Variants in DYRK4 observed in about 807,000 individuals in gnomAD.
DYRK4 encodes dual specificity tyrosine-phosphorylation-regulated kinase 4.
DYRK4 carries 64 observed loss-of-function variants against 68.3 expected under a neutral mutation model. That is an observed-to-expected ratio of 0.94 (90% CI 0.77 to 1.15). DYRK4 has a LOEUF of 1.15. Ranked by LOEUF, DYRK4 falls within the 50% of genes most tolerant of loss-of-function variation. The probability of loss-of-function intolerance (pLI) is 0.00; values close to 1 mark genes in which losing one functional copy is unlikely to be tolerated. For synonymous variants in DYRK4, 274 were observed against 289.9 expected (o/e 0.95, Z 0.56); for missense variants, 740 against 764.7 (o/e 0.97, Z 0.38).
chr12:4,605,121 A>G, intron 11 of DYRK4, 35 bp downstream of exon 11: 1 of 1,587,984 alleles, frequency 6.3e-7, no homozygotes, highest in Middle Eastern at 1.7e-4. Context: ...TCCCACGGAG[A>G]CCGTGGGCTT....
In DYRK4 at chr12:4,562,251, G is replaced by C. The variant is rs1339800516; in HGVS notation, c.6G>C (p.Gln2His). Residue 2 changes from glutamine (Q) to histidine (H), a missense_variant, in exon 1 of 15, where the codon CAG (glutamine) becomes CAC (histidine). Gln to His is a conservative substitution (Grantham distance 24). Coordinates refer to ENST00000543431, the MANE Select transcript of DYRK4 (RefSeq NM_001394779.1). The stretch of plus-strand genomic sequence containing the variant: ...GGGCGGTCAGCGCCGGCCTCATGCA[G>C]CTCCTCCCGCCGCCTATCCGCACCG... MQLLPPPIRTGT... is the reference protein window; with the variant it reads MHLLPPPIRTGT... 1 of 1,532,048 alleles carries C rather than the reference G, an allele frequency of 6.5e-7. No homozygotes were observed. Among genetic ancestry groups the C allele is most frequent in the Non-Finnish European group, 8.7e-7 (1 of 1,145,210 alleles). 94.9% of individuals were successfully genotyped at this position (1,532,048 alleles called of 1,614,324 possible).
chr12:4,563,776 C>G (rs144659637), intron 1 of DYRK4, among the ~76,000 whole-genome samples: 9 of 152,278 alleles, frequency 5.9e-5, no homozygotes, highest in Non-Finnish European at 1.3e-4. Flanking sequence ...TTTGAACATT[C>G]AAGAACTCTT....
At chr12:4,564,916 T>C (rs957536042) in intron 1 of DYRK4, among the ~76,000 whole-genome samples, 1 of 152,120 alleles carries the variant, frequency 6.6e-6, no homozygotes. Flanking sequence ...TAAATGACAC[T>C]AAAGCTCTTG....
chr12:4,573,478 T>C, intron 2 of DYRK4: 1 of 1,074,830 alleles, frequency 9.3e-7, no homozygotes, highest in African/African-American at 1.6e-5. Flanking sequence ...TGAGCAGGAA[T>C]TGGCGGGTGG....
At chr12:4,574,021 G>C (rs1003225410) in intron 2 of DYRK4, among the ~76,000 whole-genome samples, 11 of 151,942 alleles carry the variant, frequency 7.2e-5, no homozygotes, top group Admixed American at 3.3e-4. Flanking sequence ...GTCAGGAGAT[G>C]GAGACCATCC....
intron 1 of DYRK4, 74 bp downstream of exon 1, chr12:4,562,357 G>A: frequency 6.7e-7 from 1 of 1,486,670 alleles, no homozygotes; most frequent in Non-Finnish European, 8.9e-7. Context: ...GCTTCTGGTC[G>A]ACGGGGTCGT....
intron 2 of DYRK4, among the ~76,000 whole-genome samples, chr12:4,580,218 T>G (rs55803053): frequency 6.0e-4 from 92 of 152,300 alleles, no homozygotes; most frequent in Non-Finnish European, 1.2e-3. Flanking sequence ...CAGGGCCTCC[T>G]CTTTCCACCT....
rs1487570809 is a variant in DYRK4 at position 4,562,230 on chromosome 12, G to A, written c.-16G>A. ...CTCACAGCCTCCCGCAGCGGCGGGC[G>A]GTCAGCGCCGGCCTCATGCAGCTCC... On this transcript the variant is annotated 5_prime_UTR_variant, in exon 1 of 15. Transcript: ENST00000543431. 1 of 1,525,234 alleles carries A rather than the reference G, an allele frequency of 6.6e-7. No homozygotes were observed. The highest frequency in any genetic ancestry group is 2.0e-5 in the Admixed American group (1 of 49,700). 94.5% of individuals were successfully genotyped at this position (1,525,234 alleles called of 1,614,324 possible).
intron 2 of DYRK4, among the ~76,000 whole-genome samples, chr12:4,572,023 A>G (rs1277034312): frequency 6.6e-6 from 1 of 152,212 alleles, no homozygotes; most frequent in East Asian, 1.9e-4. Flanking sequence ...CTCATCTCAG[A>G]CATTGTTCTA....
intron 3 of DYRK4, among the ~76,000 whole-genome samples, 189 bp downstream of exon 3, chr12:4,589,206 A>T (rs1387195750): frequency 1.3e-5 from 2 of 152,202 alleles, no homozygotes; most frequent in African/African-American, 2.4e-5. Context: ...CATGATTTTT[A>T]AAAATGTTTT....
chr12:4,610,184 A>G lies in DYRK4; in HGVS notation c.1390A>G (p.Asn464Asp), dbSNP rs768727442. The change falls in exon 13 of 15, where the codon AAC (asparagine) becomes GAC (aspartate). Residue 464 changes from asparagine to aspartate, a missense_variant. Physicochemically the swap from Asn to Asp is conservative, Grantham distance 23 (BLOSUM62 1). Coordinates refer to ENST00000543431, the MANE Select transcript of DYRK4 (RefSeq NM_001394779.1). ...DSKGFPKNIT[N>D]NRGKKRYPDS... The stretch of plus-strand genomic sequence containing the variant: ...CAAAGGTTTTCCTAAAAATATAACC[A>G]ACAACAGGGGGAAAAAAAGATACCC... 6 of 1,602,524 alleles carry G rather than the reference A, an allele frequency of 3.7e-6. No individual in the cohort carries two copies. In the South Asian group the frequency reaches 6.8e-5, roughly 18 times the overall value.
intron 2 of DYRK4, among the ~76,000 whole-genome samples, chr12:4,586,776 T>A (rs2137354040): frequency 6.6e-6 from 1 of 151,960 alleles, no homozygotes; most frequent in South Asian, 2.1e-4. Context: ...AAGCTCTGAG[T>A]CCATGGTTTT....
At chr12:4,602,592 A>T in intron 10 of DYRK4, 7 of 1,323,446 alleles carry the variant, frequency 5.3e-6, no homozygotes, top group Non-Finnish European at 7.6e-6. Flanking sequence ...TGACAACATC[A>T]ATCTTTGCTG....
At chr12:4,578,576 C>T (rs1006557620) in intron 2 of DYRK4, among the ~76,000 whole-genome samples, 2 of 152,076 alleles carry the variant, frequency 1.3e-5, no homozygotes, top group African/African-American at 2.4e-5. Flanking sequence ...CTGATAATTC[C>T]AATACTTGGA....
At position 4,599,035 on chromosome 12, in the gene DYRK4, T is replaced by C. The variant is rs1451690436; in HGVS notation, c.913T>C (p.Leu305=). 1.2e-6 allele frequency: 2 copies of C among 1,614,024 alleles called. No homozygotes were observed. Among genetic ancestry groups the C allele is most frequent in the Non-Finnish European group, 1.7e-6 (2 of 1,180,038 alleles). ...TTTTCCCCTCTTTTCCAGAATCAAC[T>C]TGTATGAGTTGATGAAGAATAACAA... ...CITFELLGIN[L]YELMKNNNFQ... is the part of the protein sequence containing the mutation. The change falls in exon 9 of 15, where the codon TTG becomes CTG. Residue 305 remains leucine, a synonymous_variant. Coordinates refer to ENST00000543431, the MANE Select transcript of DYRK4 (RefSeq NM_001394779.1).
At chr12:4,576,919 ATG>A (rs1467950898) in intron 2 of DYRK4, among the ~76,000 whole-genome samples, 1 of 152,112 alleles carries the variant, frequency 6.6e-6, no homozygotes, top group Non-Finnish European at 1.5e-5. Context: ...CTTCTCAGAT[ATG>A]TGTTTTGCAC....
intron 10 of DYRK4, among the ~76,000 whole-genome samples, chr12:4,600,184 T>C (rs1281774682): frequency 6.6e-6 from 1 of 152,188 alleles, no homozygotes; most frequent in Non-Finnish European, 1.5e-5. Flanking sequence ...CTGCCCCAGA[T>C]CCTCTAGGTT....
chr12:4,607,214 T>A, intron 11 of DYRK4, 113 bp from the exon 12 acceptor site: 1 of 1,187,680 alleles, frequency 8.4e-7, no homozygotes, highest in Non-Finnish European at 1.2e-6. Context: ...TATTACTTAA[T>A]GCTTTGAATC....
At chr12:4,583,154 A>G (rs1437452459) in intron 2 of DYRK4, among the ~76,000 whole-genome samples, 1 of 152,136 alleles carries the variant, frequency 6.6e-6, no homozygotes, top group Admixed American at 6.5e-5. Flanking sequence ...GTCTTGCTCC[A>G]TGACCGAGGC....
Sources: gnomAD v4.1 joint callset for allele counts (sites outside exome capture counted in the v4.1 genomes callset) on GRCh38, gnomAD v4.1.1 for gene constraint, MANE v1.5 for transcripts, NCBI Gene and HGNC (gene_info 2026-07-23, HGNC 2026-07-21) for gene names.